The following HMOX1 variants were observed in gnomAD, a reference collection of about 807,000 sequenced individuals.
HMOX1 encodes the protein heme oxygenase 1.
A neutral mutation model predicts 27.8 loss-of-function variants in HMOX1; 22 were observed. The ratio of observed to expected loss-of-function variants is 0.79; its 90% confidence interval spans 0.57 to 1.13. HMOX1 has a LOEUF of 1.13. Ranked by LOEUF, HMOX1 falls within the 50% of genes most tolerant of loss-of-function variation. The probability of loss-of-function intolerance (pLI) is 0.00; values close to 1 mark genes in which losing one functional copy is unlikely to be tolerated. For missense variants in HMOX1, 379 were observed against 377.7 expected, an observed-to-expected ratio of 1.00 and a Z score of -0.03; for synonymous variants, 153 against 151.6, an observed-to-expected ratio of 1.01 and a Z score of -0.07.
intron 4 of HMOX1, 66 bp from the exon 5 acceptor site, chr22:35,393,402 C>T: frequency 1.2e-6 from 2 of 1,607,816 alleles, no homozygotes; most frequent in South Asian, 1.1e-5. Context: ...GCTTTGCTTT[C>T]CTATGACATC....
chr22:35,388,821 A>G (rs1386389962), intron 3 of HMOX1, among the ~76,000 whole-genome samples: 1 of 148,546 alleles, frequency 6.7e-6, no homozygotes, highest in Non-Finnish European at 1.5e-5. Flanking sequence ...AACAAAAAAA[A>G]ACGGCTCTTA....
Position 35,389,998 on chromosome 22 carries a change from CTA to C in HMOX1, c.736+36_736+37del, listed in dbSNP as rs1255195589. The C allele has an allele frequency of 2.1e-6, 3 of 1,408,200 alleles. No individual in the cohort carries two copies. In the African/African-American group the frequency reaches 4.2e-5, roughly 20 times the overall value. 87.2% of individuals were successfully genotyped at this position (1,408,200 alleles called of 1,614,324 possible). A position where few individuals can be genotyped will look rare whatever the true frequency, so the allele number is the denominator to read the frequency against. ...TCCAGGAAGGGGCACTTCCTCTGGG[CTA>C]CACATGGAGGGACTTGGCTGTCTGA... On this transcript the variant is annotated intron_variant, in intron 4 of 4. Transcript: ENST00000216117.
chr22:35,381,107 C>G lies in HMOX1; in HGVS notation c.-67C>G. ...CGGCTCCGGCAGTCAACGCCTGCCTCCTCTCGAGCGTCCTCAGCGCAGCCG... is the reference window on the plus strand; with the variant it reads ...CGGCTCCGGCAGTCAACGCCTGCCTGCTCTCGAGCGTCCTCAGCGCAGCCG... On this transcript the variant is annotated 5_prime_UTR_variant, in exon 1 of 5. Transcript: ENST00000216117. 6.5e-7 allele frequency: 1 copy of G among 1,530,980 alleles called. No homozygotes were observed. The highest frequency in any genetic ancestry group is 8.7e-7 in the Non-Finnish European group (1 of 1,143,058). 94.8% of individuals were successfully genotyped at this position (1,530,980 alleles called of 1,614,324 possible).
chr22:35,393,538 A>G lies in HMOX1; in HGVS notation c.807A>G (p.Arg269=), dbSNP rs1352179196. 1.2e-6 allele frequency: 2 copies of G among 1,614,198 alleles called. No individual in the cohort carries two copies. Among genetic ancestry groups the G allele is most frequent in the Non-Finnish European group, 1.7e-6 (2 of 1,180,028 alleles). The change falls in exon 5 of 5, where the codon CGA becomes CGG. Residue 269 remains arginine, a synonymous_variant. Transcript: ENST00000216117. ...CCCGCTCCCAGGCTCCGCTTCTCCGATGGGTCCTTACACTCAGCTTTCTGG... is the reference window on the plus strand; with the variant it reads ...CCCGCTCCCAGGCTCCGCTTCTCCGGTGGGTCCTTACACTCAGCTTTCTGG... ...LNTRSQAPLL[R]WVLTLSFLVA...
intron 3 of HMOX1, among the ~76,000 whole-genome samples, chr22:35,389,161 C>A (rs952090743): frequency 2.0e-5 from 3 of 151,776 alleles, no homozygotes; most frequent in African/African-American, 7.3e-5. Context: ...AACATCTTAT[C>A]TCTTAAGGTG....
At chr22:35,381,218 C>T (rs779315982) in intron 1 of HMOX1, 22 bp downstream of exon 1, 4 of 1,544,918 alleles carry the variant, frequency 2.6e-6, no homozygotes, top group Non-Finnish European at 3.5e-6. Context: ...GCGCGGGACG[C>T]GGGACGGGCG....
At chr22:35,390,913 C>A (rs755216898) in intron 4 of HMOX1, among the ~76,000 whole-genome samples, 2 of 152,130 alleles carry the variant, frequency 1.3e-5, no homozygotes, top group African/African-American at 4.8e-5. Flanking sequence ...TTGGAAACTT[C>A]CAAAAAGACC....
chr22:35,381,242 A>G (rs1463548862), intron 1 of HMOX1, 46 bp downstream of exon 1: 2 of 1,541,130 alleles, frequency 1.3e-6, no homozygotes, highest in East Asian at 2.4e-5. Context: ...TTCTCTCCCA[A>G]CCCTGCTTGC....
chr22:35,389,213 C>T (rs1931590159), intron 3 of HMOX1, among the ~76,000 whole-genome samples: 1 of 123,256 alleles, frequency 8.1e-6, no homozygotes, highest in South Asian at 2.6e-4. Flanking sequence ...TTCTTTCTTT[C>T]TCTCTTTCTT....
chr22:35,393,662 G>C lies in HMOX1; in HGVS notation c.*64G>C, dbSNP rs149739243. ...CGGTGGAAGGCCTTCTTTCTAGAGA[G>C]GGAATTCTCTTGGCTGGCTTCCTTA... is the stretch of plus-strand genomic sequence containing the variant. On this transcript the variant is annotated 3_prime_UTR_variant, in exon 5 of 5. Coordinates refer to ENST00000216117, the MANE Select transcript of HMOX1 (RefSeq NM_002133.3). 873 of 1,601,468 alleles carry C rather than the reference G, an allele frequency of 5.5e-4. 13 individuals are homozygous for C. In the East Asian group the frequency reaches 0.019, roughly 35 times the overall value.
chr22:35,387,790 T>G (rs1399338602), intron 3 of HMOX1, among the ~76,000 whole-genome samples: 2 of 152,210 alleles, frequency 1.3e-5, no homozygotes, highest in Non-Finnish European at 1.5e-5. Context: ...CCCCTGGAGG[T>G]GCCATGGGGC....
intron 1 of HMOX1, among the ~76,000 whole-genome samples, chr22:35,381,538 G>A (rs1024276105): frequency 6.6e-6 from 1 of 151,966 alleles, no homozygotes; most frequent in African/African-American, 2.4e-5. Flanking sequence ...CTGGGGCTCT[G>A]CCAGCCTGGG....
chr22:35,382,452 A>T (rs1476339831), intron 1 of HMOX1, among the ~76,000 whole-genome samples: 1 of 151,250 alleles, frequency 6.6e-6, no homozygotes, highest in Non-Finnish European at 1.5e-5. Flanking sequence ...CCTGGGTTCA[A>T]GCGATTCTCC....
chr22:35,393,766 G>A lies in HMOX1; in HGVS notation c.*168G>A, dbSNP rs1484095562. 3 of 825,942 alleles carry A rather than the reference G, an allele frequency of 3.6e-6. No individual in the cohort carries two copies. In the Admixed American group the frequency reaches 6.2e-5, roughly 17 times the overall value. 51.2% of individuals were successfully genotyped at this position (825,942 alleles called of 1,614,324 possible). On this transcript the variant is annotated 3_prime_UTR_variant, in exon 5 of 5. Transcript: ENST00000216117. ...TCTGGAAAGGAGGAAGGAGCCTATG[G>A]CATCTTCCCCAACGAAAAGCACATC...
intron 2 of HMOX1, among the ~76,000 whole-genome samples, chr22:35,386,238 G>A (rs1324837480): frequency 6.6e-6 from 1 of 152,036 alleles, no homozygotes; most frequent in Non-Finnish European, 1.5e-5. Context: ...TTACAGGCGT[G>A]AGCCACCGCA....
At chr22:35,384,382 G>A (rs373496584) in intron 2 of HMOX1, among the ~76,000 whole-genome samples, 15 of 152,092 alleles carry the variant, frequency 9.9e-5, no homozygotes, top group Non-Finnish European at 1.8e-4. Flanking sequence ...CCACCCGGCC[G>A]AGACATGCTT....
chr22:35,389,530 C>T (rs997605486), intron 3 of HMOX1, among the ~76,000 whole-genome samples: 4 of 150,916 alleles, frequency 2.7e-5, no homozygotes, highest in African/African-American at 4.9e-5. Context: ...GCAACCTCAG[C>T]TTCCCAGGTT....
rs1362352156 is a variant in HMOX1 at position 35,381,124 on chromosome 22, G to A, written c.-50G>A. ...GCCTGCCTCCTCTCGAGCGTCCTCA[G>A]CGCAGCCGCCGCCCGCGGAGCCAGC... On this transcript the variant is annotated 5_prime_UTR_variant, in exon 1 of 5. Coordinates refer to ENST00000216117, the MANE Select transcript of HMOX1 (RefSeq NM_002133.3). 6.5e-7 allele frequency: 1 copy of A among 1,535,700 alleles called. No homozygotes were observed. Among genetic ancestry groups the A allele is most frequent in the African/African-American group, 1.4e-5 (1 of 73,066 alleles).
chr22:35,387,303 A>G, intron 3 of HMOX1, 127 bp downstream of exon 3: 1 of 1,102,706 alleles, frequency 9.1e-7, no homozygotes, highest in Non-Finnish European at 1.4e-6. Flanking sequence ...CAGCACTGCC[A>G]CTTACTAGCT....
Sources: allele counts gnomAD v4.1 joint callset (sites outside exome capture counted in the v4.1 genomes callset), GRCh38; gene constraint gnomAD v4.1.1; transcripts MANE v1.5; gene names NCBI Gene and HGNC (gene_info 2026-07-23, HGNC 2026-07-21).